CACNG6: variants seen among roughly 807,000 people sequenced by gnomAD.
The protein encoded by CACNG6 is voltage-dependent calcium channel gamma-6 subunit.
A neutral mutation model predicts 23.9 loss-of-function variants in CACNG6; 21 were observed. The ratio of observed to expected loss-of-function variants is 0.88; its 90% CI spans 0.62 to 1.26. The LOEUF (loss-of-function observed/expected upper bound fraction) is 1.26, where lower values mean the gene tolerates loss of function less well. CACNG6 is among the 50% of genes most tolerant of loss of function. The probability of loss-of-function intolerance (pLI) is 0.00; values close to 1 mark genes in which losing one functional copy is unlikely to be tolerated. For synonymous variants in CACNG6, 182 were observed against 168.9 expected (o/e 1.08, Z -0.60); for missense variants, 340 against 352.9 (o/e 0.96, Z 0.29).
chr19:54,011,880 C>T, intron 3 of CACNG6, 71 bp from the exon 4 acceptor site: 1 of 1,136,226 alleles, frequency 8.8e-7, no homozygotes, highest in Non-Finnish European at 1.2e-6. Flanking sequence ...GGGCTGGGAG[C>T]GGATGGCGGA....
At chr19:54,011,157 A>T (rs1174348513) in intron 3 of CACNG6, among the ~76,000 whole-genome samples, 1 of 143,190 alleles carries the variant, frequency 7.0e-6, no homozygotes, top group Non-Finnish European at 1.5e-5. Flanking sequence ...GTTCCAGACT[A>T]GTCTGGCCAA....
chr19:54,011,227 T>TATATATATATACACACACACAC (rs1442985544), intron 3 of CACNG6, among the ~76,000 whole-genome samples: 1 of 95,328 alleles, frequency 1.0e-5, no homozygotes, highest in African/African-American at 5.8e-5. Context: ...TATATATATA[T>TATATATATATACACACACACAC]ACACACACAC....
In CACNG6 at chr19:53,999,665, G is replaced by T. The variant is rs529750966; in HGVS notation, c.438G>T (p.Val146=). 6.4e-5 allele frequency: 104 copies of T among 1,614,014 alleles called. No individual in the cohort carries two copies. The highest frequency in any genetic ancestry group is 8.6e-5 in the Non-Finnish European group (101 of 1,180,028). Residue 146 remains valine, a synonymous_variant, in exon 3 of 4, where the codon GTG becomes GTT. Transcript: ENST00000252729. ...EVNLAAAVIA[V]LGLAVMALGC... ...ATCTGGCAGCTGCGGTGATAGCAGT[G>T]CTGGGCCTGGCAGTCATGGCCTTGG...
rs2069721603 is a variant in CACNG6 at position 54,012,010 on chromosome 19, A to G, written c.604A>G (p.Arg202Gly). 3.1e-6 allele frequency: 5 copies of G among 1,602,626 alleles called. No individual in the cohort carries two copies. Among genetic ancestry groups the G allele is most frequent in the Non-Finnish European group, 4.3e-6 (5 of 1,175,158 alleles). ...GCATTCCGTGAGGGCCCTGCTGCAG[A>G]GAGTCAGCCCGGAGCCTCCCCCGGC... is the stretch of plus-strand genomic sequence containing the variant. ...FRHSVRALLQ[R>G]VSPEPPPAPR... The change falls in exon 4 of 4, where the codon AGA (arginine) becomes GGA (glycine). Residue 202 changes from arginine to glycine, a missense_variant. By Grantham distance (125) the Arg-to-Gly change is moderately radical (BLOSUM62 -2). Coordinates refer to ENST00000252729, the MANE Select transcript of CACNG6 (RefSeq NM_145814.2).
At chr19:53,998,364 G>A (rs549233301) in intron 2 of CACNG6, 51 bp downstream of exon 2, 36 of 1,523,396 alleles carry the variant, frequency 2.4e-5, no homozygotes, top group Middle Eastern at 1.7e-4. Flanking sequence ...AATGCTGAGC[G>A]TGCTGGAGGA....
rs1345499642 is a variant in CACNG6, at chr19:54,012,327, C to T, written c.*138C>T. On this transcript the variant is annotated 3_prime_UTR_variant, in exon 4 of 4. Coordinates refer to ENST00000252729, the MANE Select transcript of CACNG6 (RefSeq NM_145814.2). ...GGCCCATGTTTTTTTACACGCCTGC[C>T]TCCTGTCCCCTTATCCTTTCTCCCT... The T allele has an allele frequency of 4.2e-6, 2 of 476,084 alleles. No individual in the cohort carries two copies. The highest frequency in any genetic ancestry group is 7.5e-6 in the Non-Finnish European group (2 of 267,106). 29.5% of individuals were successfully genotyped at this position (476,084 alleles called of 1,614,324 possible).
chr19:53,993,616 C>T lies in CACNG6; in HGVS notation c.331+408C>T, dbSNP rs568377672. 4.6e-5 allele frequency among the ~76,000 whole-genome samples: 7 copies of T among 151,686 alleles called. No individual in the cohort carries two copies. The South Asian group carries it at 1.5e-3, about 32-fold the overall frequency. On this transcript the variant is annotated intron_variant, in intron 1 of 3. Transcript: ENST00000252729. ...CCTCTAAAGAGAGCTTGTGCCCCCGCCTACAGCCTGTGCCCCAAGACCATC... is the reference window on the plus strand; with the variant it reads ...CCTCTAAAGAGAGCTTGTGCCCCCGTCTACAGCCTGTGCCCCAAGACCATC...
chr19:54,009,757 T>A (rs2069684500), intron 3 of CACNG6, among the ~76,000 whole-genome samples: 1 of 135,618 alleles, frequency 7.4e-6, no homozygotes, highest in African/African-American at 2.7e-5. Flanking sequence ...ATCATGTTCT[T>A]TCTTTTTCTT....
chr19:54,012,042 C>T lies in CACNG6; in HGVS notation c.636C>T (p.Arg212=), dbSNP rs376108604. ...GCCCGGAGCCTCCCCCGGCCCCACG[C>T]CTCACCTACGAGTACTCCTGGTCCC... ...RVSPEPPPAP[R]LTYEYSWSLG... is the part of the protein sequence containing the mutation. The change falls in exon 4 of 4, where the codon CGC becomes CGT. Residue 212 remains arginine, a synonymous_variant. Coordinates refer to ENST00000252729, the MANE Select transcript of CACNG6 (RefSeq NM_145814.2). The T allele has an allele frequency of 1.0e-5, 16 of 1,607,102 alleles. No homozygotes were observed. In the African/African-American group the frequency reaches 1.3e-4, roughly 14 times the overall value.
intron 3 of CACNG6, 127 bp downstream of exon 3, chr19:53,999,898 T>G: frequency 1.7e-6 from 2 of 1,199,104 alleles, no homozygotes; most frequent in South Asian, 2.9e-5. Context: ...CTATGCACTG[T>G]TGCATGCTGG....
intron 3 of CACNG6, among the ~76,000 whole-genome samples, chr19:54,004,335 T>TTGTGTGTG (rs4022332): frequency 2.9e-4 from 31 of 107,324 alleles, no homozygotes; most frequent in Admixed American, 8.6e-4. Context: ...TTTTGTATTT[T>TTGTGTGTG]TGTGTGTGTG....
chr19:53,995,322 T>A (rs7253494), intron 1 of CACNG6, among the ~76,000 whole-genome samples: 16,031 of 152,046 alleles, frequency 0.11, 1,125 homozygotes, highest in African/African-American at 0.2. Context: ...TAACGTTATC[T>A]TACAAACCCA....
intron 3 of CACNG6, among the ~76,000 whole-genome samples, chr19:54,007,840 C>T (rs2069664306): frequency 6.6e-6 from 1 of 150,786 alleles, no homozygotes; most frequent in African/African-American, 2.4e-5. Flanking sequence ...AGGTTGCATG[C>T]AGTGAGCTAT....
Position 53,993,030 on chromosome 19 carries a change from G to A in CACNG6, c.153G>A (p.Thr51=), listed in dbSNP as rs2069480068. The A allele has an allele frequency of 2.0e-6, 3 of 1,470,478 alleles. No homozygotes were observed. The highest frequency in any genetic ancestry group is 1.8e-6 in the Non-Finnish European group (2 of 1,113,030). 91.1% of individuals were successfully genotyped at this position (1,470,478 alleles called of 1,614,324 possible). Residue 51 remains threonine, a synonymous_variant, in exon 1 of 4, where the codon ACG becomes ACA. Coordinates refer to ENST00000252729, the MANE Select transcript of CACNG6 (RefSeq NM_145814.2). ...LALLLAAVGA[T]LAVLSVGTEF... ...TGCTGCTGGCCGCCGTGGGCGCCAC[G>A]CTGGCGGTGCTGTCCGTGGGCACCG...
chr19:53,998,331 C>T lies in CACNG6; in HGVS notation c.406+18C>T, dbSNP rs772224767. ...AAAGAAAGGTGAGAACTTTTCACCCCCTGCTGGGTGACAGGTGGGGGAAAT... is the reference window on the plus strand; with the variant it reads ...AAAGAAAGGTGAGAACTTTTCACCCTCTGCTGGGTGACAGGTGGGGGAAAT... On this transcript the variant is annotated intron_variant, in intron 2 of 3. Coordinates refer to ENST00000252729, the MANE Select transcript of CACNG6 (RefSeq NM_145814.2). The T allele has an allele frequency of 2.5e-6, 4 of 1,605,528 alleles. No individual in the cohort carries two copies. Among genetic ancestry groups the T allele is most frequent in the East Asian group, 2.2e-5 (1 of 44,808 alleles).
rs2069541146 is a variant in CACNG6, at chr19:53,998,296, A to G, written c.389A>G (p.Gln130Arg). The change falls in exon 2 of 4, where the codon CAG (glutamine) becomes CGG (arginine). Residue 130 changes from glutamine (Q) to arginine (R), a missense_variant. Physicochemically the swap from Gln to Arg is conservative, Grantham distance 43. Coordinates refer to ENST00000252729, the MANE Select transcript of CACNG6 (RefSeq NM_145814.2). ...ACGGGGGAGAATGCACGCATCTTTCAGAGAACCACAAAGAAAGGTGAGAAC... is the reference window on the plus strand; with the variant it reads ...ACGGGGGAGAATGCACGCATCTTTCGGAGAACCACAAAGAAAGGTGAGAAC... Reference protein sequence around the residue: ...FTTGENARIFQRTTKKEVNLA... With the variant: ...FTTGENARIFRRTTKKEVNLA... 6.2e-7 allele frequency: 1 copy of G among 1,613,996 alleles called. No individual in the cohort carries two copies. The highest frequency in any genetic ancestry group is 8.5e-7 in the Non-Finnish European group (1 of 1,179,932).
At chr19:54,004,733 G>T (rs969161340) in intron 3 of CACNG6, among the ~76,000 whole-genome samples, 1 of 152,030 alleles carries the variant, frequency 6.6e-6, no homozygotes, top group Non-Finnish European at 1.5e-5. Flanking sequence ...CTCCCGCAGC[G>T]TGTTTTCCCG....
intron 3 of CACNG6, among the ~76,000 whole-genome samples, chr19:54,011,217 T>TACAC (rs1232434438): frequency 2.9e-5 from 2 of 68,122 alleles, no homozygotes; most frequent in Non-Finnish European, 5.8e-5. Context: ...TATATATATA[T>TACAC]ATATATATAT....
At chr19:53,994,456 C>G (rs928955361) in intron 1 of CACNG6, among the ~76,000 whole-genome samples, 1 of 152,120 alleles carries the variant, frequency 6.6e-6, no homozygotes, top group African/African-American at 2.4e-5. Flanking sequence ...ACACGCCACG[C>G]CACGGCTTGT....
Sources: allele counts gnomAD v4.1 joint callset (sites outside exome capture counted in the v4.1 genomes callset), GRCh38; gene constraint gnomAD v4.1.1; transcripts MANE v1.5; gene names NCBI Gene and HGNC (gene_info 2026-07-23, HGNC 2026-07-21).